MYO15B: variants seen among roughly 807,000 people sequenced by gnomAD.
MYO15B encodes the protein myosin XVB pseudogene.
In MYO15B, 207 loss-of-function variants were observed where a neutral mutation model predicts 119.3. The observed-to-expected ratio is 1.73, with a 90% CI of 1.55 to 1.95. The LOEUF (loss-of-function observed/expected upper bound fraction) is 1.95, where lower values mean the gene tolerates loss of function less well. Ranked by LOEUF, MYO15B falls within the 30% of genes most tolerant of loss-of-function variation. The pLI, the probability that MYO15B is intolerant of heterozygous loss-of-function variation, is 0.00. For missense variants in MYO15B, 2,264 were observed against 1,203.1 expected (o/e 1.88, Z -13.04); for synonymous variants, 966 against 498.9 (o/e 1.94, Z -12.48).
rs1568204127 is a variant in MYO15B, at chr17:75,617,065, CT to C, written c.6595-17del. 1.5e-6 allele frequency: 1 copy of C among 685,724 alleles called. No homozygotes were observed. The highest frequency in any genetic ancestry group is 1.8e-5 in the African/African-American group (1 of 56,978). 42.5% of individuals were successfully genotyped at this position (685,724 alleles called of 1,614,324 possible). On this transcript the variant is annotated intron_variant, in intron 40 of 63. Coordinates refer to ENST00000645453, the Ensembl canonical transcript of MYO15B. ...CTTGTGCTGTGACTCAGCCCGTGTA[CT>C]TTCTCCGTATCCCCCCAGATGCTGT...
chr17:75,623,216 C>T (rs1053790837), intron 53 of MYO15B, among the ~76,000 whole-genome samples: 1 of 151,812 alleles, frequency 6.6e-6, no homozygotes, highest in East Asian at 1.9e-4. Context: ...CTGTAGTACT[C>T]GGAAGGTTGA....
intron 43 of MYO15B, 41 bp downstream of exon 43, chr17:75,618,226 G>A: frequency 1.4e-6 from 1 of 702,490 alleles, no homozygotes; most frequent in Non-Finnish European, 2.6e-6. Context: ...CATCTGCAGA[G>A]ACAGCATCCT....
At chr17:75,611,468 CAAAA>C (rs11410750) in intron 23 of MYO15B, 129 bp from the exon 24 acceptor site, 2,311 of 464,518 alleles carry the variant, frequency 5.0e-3, no homozygotes, top group Middle Eastern at 8.5e-3. Flanking sequence ...GACCCTGCCT[CAAAA>C]AAAAAAAAAA....
In MYO15B at chr17:75,605,993, C is replaced by T; in HGVS notation, c.4264C>T (p.Gln1422Ter). 1 of 701,234 alleles carries T rather than the reference C, an allele frequency of 1.4e-6. No homozygotes were observed. Among genetic ancestry groups the T allele is most frequent in the East Asian group, 2.7e-5 (1 of 37,234 alleles). 43.4% of individuals were successfully genotyped at this position (701,234 alleles called of 1,614,324 possible). Residue 1422 changes from glutamine to a stop codon, truncating the protein, a stop_gained, in exon 21 of 64, where the codon CAG becomes TAG. Transcript: ENST00000645453. LOFTEE classifies it high-confidence loss of function. ...CCGCCAGCGCGTCCTGCCCCGGATG[C>T]AGGCTCGCATGCGTGGGTTCCAGGC...
At chr17:75,618,250 C>A in intron 43 of MYO15B, 65 bp downstream of exon 43, 1 of 699,688 alleles carries the variant, frequency 1.4e-6, no homozygotes, top group South Asian at 1.5e-5. Context: ...TGCCCTTTGT[C>A]TAATGGCTGG....
Position 75,614,865 on chromosome 17 carries a change from C to T in MYO15B, c.5559+16C>T. 2 of 702,860 alleles carry T rather than the reference C, an allele frequency of 2.8e-6. No homozygotes were observed. Among genetic ancestry groups the T allele is most frequent in the Admixed American group, 2.0e-5 (1 of 50,024 alleles). The allele number at this position is 702,860 out of a possible 1,614,324, so 43.5% of individuals were successfully genotyped here. A position where few individuals can be genotyped will look rare whatever the true frequency, so the allele number is the denominator to read the frequency against. ...CGGCCTCAGCGTGAGTCGGGCACAG[C>T]CCCCAAATGCCCCTGCCCCAACCCC... is the stretch of plus-strand genomic sequence containing the variant. On this transcript the variant is annotated intron_variant, in intron 32 of 63. Coordinates refer to ENST00000645453, the Ensembl canonical transcript of MYO15B.
Position 75,594,045 on chromosome 17 carries a change from G to A in MYO15B, c.2992-430G>A, listed in dbSNP as rs114506577. Among the ~76,000 whole-genome samples, 941 of 146,664 alleles carry A rather than the reference G, an allele frequency of 6.4e-3. 10 individuals carry two copies. Among genetic ancestry groups the A allele is most frequent in the African/African-American group, 0.023 (895 of 39,380 alleles). ...GTGGAGGCTGCAGTGAGCCTTGATC[G>A]TGCCACTGCATTCAGGCCTGGGTAA... On this transcript the variant is annotated intron_variant, in intron 9 of 63. Transcript: ENST00000645453.
rs1363964491 is a variant in MYO15B, at chr17:75,589,196, TGCGGCGGCGGCTGCGGCTGCG to T, written c.1148_1168del (p.Arg383_Arg389del). 3 of 329,256 alleles carry T rather than the reference TGCGGCGGCGGCTGCGGCTGCG, an allele frequency of 9.1e-6. No individual in the cohort carries two copies. The highest frequency in any genetic ancestry group is 2.8e-5 in the African/African-American group (1 of 35,986). 20.4% of individuals were successfully genotyped at this position (329,256 alleles called of 1,614,324 possible). Reference sequence around the variant, plus strand: ...CGAGCCCTGGGCCTCCTGCGCTGGCTGCGGCGGCGGCTGCGGCTGCGGCGGCGGCCGCCAGAGGGCGAGGGG... The same window carrying T: ...CGAGCCCTGGGCCTCCTGCGCTGGCTGCGGCGGCCGCCAGAGGGCGAGGGG... On this transcript the variant is annotated inframe_deletion, in exon 1 of 64. Transcript: ENST00000645453. The surrounding 1 kb of genome is among the most constrained non-coding windows in gnomAD (Gnocchi z 4.2).
intron 15 of MYO15B, among the ~76,000 whole-genome samples, chr17:75,601,924 G>T (rs1026750389): frequency 1.3e-5 from 2 of 152,192 alleles, no homozygotes; most frequent in African/African-American, 4.8e-5. Context: ...ATGTAGTAAC[G>T]TGGAGATGGC....
At chr17:75,615,008 C>T (rs556670760) in exon 33 of MYO15B, 62 of 702,988 alleles carry the variant, frequency 8.8e-5, no homozygotes, top group South Asian at 4.3e-4. Flanking sequence ...AGGGAGGGGG[C>T]GCCATTGGGC....
chr17:75,624,230 C>G, exon 56 of MYO15B: 1 of 702,984 alleles, frequency 1.4e-6, no homozygotes, highest in Non-Finnish European at 2.6e-6. Context: ...ATGGGGGGCG[C>G]CGGCGGATGC....
intron 12 of MYO15B, chr17:75,595,194 A>G (rs2056775494): frequency 1.7e-6 from 1 of 594,792 alleles, no homozygotes; most frequent in Non-Finnish European, 3.0e-6. Context: ...AGGATTTAGA[A>G]TCTCTCAAGG....
chr17:75,604,456 C>T (rs2057485144), intron 19 of MYO15B, among the ~76,000 whole-genome samples: 1 of 140,668 alleles, frequency 7.1e-6, no homozygotes, highest in African/African-American at 2.7e-5. Flanking sequence ...CACTCCCCCA[C>T]CCACCCCTTC....
chr17:75,605,517 G>A (rs1403673318), exon 20 of MYO15B: 3 of 702,920 alleles, frequency 4.3e-6, no homozygotes, highest in Non-Finnish European at 2.6e-6. Flanking sequence ...CCAGGCCCTG[G>A]GGTCAGAAGG....
intron 35 of MYO15B, 21 bp downstream of exon 35, chr17:75,615,621 G>T: frequency 1.5e-6 from 1 of 683,496 alleles, no homozygotes; most frequent in Non-Finnish European, 2.7e-6. Flanking sequence ...GCAGGGCCCT[G>T]GGGCCACCTG....
At chr17:75,612,273 T>C (rs1039895741) in intron 25 of MYO15B, among the ~76,000 whole-genome samples, 4 of 152,348 alleles carry the variant, frequency 2.6e-5, no homozygotes, top group Admixed American at 2.0e-4. Flanking sequence ...ACACCTTTGT[T>C]GTACCTGCGG....
intron 12 of MYO15B, among the ~76,000 whole-genome samples, chr17:75,596,120 T>C (rs1249962148): frequency 6.6e-6 from 1 of 152,222 alleles, no homozygotes; most frequent in Non-Finnish European, 1.5e-5. Context: ...GGCAGCAGCC[T>C]GGAGCCCTGT....
At chr17:75,614,968 A>G (rs1280564935) in exon 33 of MYO15B, 6 of 702,928 alleles carry the variant, frequency 8.5e-6, no homozygotes, top group Non-Finnish European at 1.3e-5. Context: ...TAGGATCTGG[A>G]ACAAAGCTGG....
Position 75,619,133 on chromosome 17 carries a change from C to T in MYO15B, c.6988-10C>T. On this transcript the variant is annotated splice_polypyrimidine_tract_variant and intron_variant, in intron 43 of 63. Transcript: ENST00000645453. Reference sequence around the variant, plus strand: ...AGGACCTGGTGGTGACCACCTCGCTCTGCCCCCAGATCCTACGGGACACCT... The same window carrying T: ...AGGACCTGGTGGTGACCACCTCGCTTTGCCCCCAGATCCTACGGGACACCT... 1.4e-6 allele frequency: 1 copy of T among 702,898 alleles called. No homozygotes were observed. The highest frequency in any genetic ancestry group is 2.6e-6 in the Non-Finnish European group (1 of 385,010). The allele number at this position is 702,898 out of a possible 1,614,324, so 43.5% of individuals were successfully genotyped here.
Sources: gnomAD v4.1 joint callset for allele counts (sites outside exome capture counted in the v4.1 genomes callset) on GRCh38, gnomAD v4.1.1 for gene constraint, Gnocchi (gnomAD v3.1) non-coding constraint, MANE v1.5 for transcripts, NCBI Gene and HGNC (gene_info 2026-07-23, HGNC 2026-07-21) for gene names.